Variants in ETV7 observed in about 807,000 individuals in gnomAD.
The protein encoded by ETV7 is ETS variant transcription factor 7, also known as transcription factor ETV7.
In ETV7, 43 loss-of-function variants were observed where a neutral mutation model predicts 39.1. That is an observed-to-expected ratio of 1.10 (90% CI 0.86 to 1.42). The LOEUF (loss-of-function observed/expected upper bound fraction) is 1.42, where lower values mean the gene tolerates loss of function less well. ETV7 is among the 40% of genes most tolerant of loss of function. The pLI is 0.00. For missense variants in ETV7, 432 were observed against 442.3 expected, an observed-to-expected ratio of 0.98 and a Z score of 0.21; for synonymous variants, 196 against 176.6, an observed-to-expected ratio of 1.11 and a Z score of -0.87.
Position 36,366,881 on chromosome 6 carries a change from A to G in ETV7, c.902T>C (p.Leu301Pro). The change falls in exon 7 of 8, where the codon CTG becomes CCG. Residue 301 changes from leucine (L) to proline (P), a missense_variant. Transcript: ENST00000340181. ...CATCCCCTAGGCCACTCACCTGAAC[A>G]GGAGTTTCTGCCCCGGTTCCTTCTT... ...IIKKEPGQKL[L>P]FRFLKTPGKM... 1 of 1,613,890 alleles carries G rather than the reference A, an allele frequency of 6.2e-7. No homozygotes were observed. Among genetic ancestry groups the G allele is most frequent in the Non-Finnish European group, 8.5e-7 (1 of 1,179,892 alleles).
intron 1 of ETV7, among the ~76,000 whole-genome samples, chr6:36,386,288 A>G (rs367740438): frequency 3.9e-5 from 6 of 152,344 alleles, no homozygotes; most frequent in African/African-American, 1.2e-4. Context: ...AGATCACGCC[A>G]CTGCACTCCA....
chr6:36,375,048 G>A (rs1412366869), intron 3 of ETV7, among the ~76,000 whole-genome samples: 6 of 136,622 alleles, frequency 4.4e-5, no homozygotes, highest in Admixed American at 7.9e-5. Flanking sequence ...CAGCCTGGGC[G>A]ACAAAGTGAG....
intron 5 of ETV7, among the ~76,000 whole-genome samples, chr6:36,369,758 G>A (rs985841126): frequency 3.9e-5 from 6 of 152,194 alleles, no homozygotes; most frequent in African/African-American, 1.4e-4. Flanking sequence ...GTAAGTGCAC[G>A]AAGAATGTTA....
downstream of ETV7, among the ~76,000 whole-genome samples, chr6:36,365,295 A>T (rs1447457494): frequency 6.6e-6 from 1 of 152,198 alleles, no homozygotes; most frequent in Non-Finnish European, 1.5e-5. Flanking sequence ...AAGCTGACCC[A>T]TTGGACCGAG....
chr6:36,354,490 C>T (rs961279344), exon 8 of ETV7: 2 of 526,102 alleles, frequency 3.8e-6, no homozygotes, highest in Non-Finnish European at 6.7e-6. Flanking sequence ...ATTGTCCCAA[C>T]ACTATTTGTT....
chr6:36,370,365 T>C (rs1445638120), intron 5 of ETV7, among the ~76,000 whole-genome samples: 2 of 151,854 alleles, frequency 1.3e-5, no homozygotes, highest in African/African-American at 4.8e-5. Context: ...GGTGAAACCG[T>C]CTCTACTAAT....
intron 3 of ETV7, among the ~76,000 whole-genome samples, 183 bp from the exon 4 acceptor site, chr6:36,373,761 C>A (rs891395091): frequency 3.9e-5 from 6 of 152,234 alleles, no homozygotes; most frequent in African/African-American, 1.4e-4. Flanking sequence ...GGCAGAGATG[C>A]TGCTGCTCCC....
chr6:36,365,014 C>T (rs1418198797), downstream of ETV7, among the ~76,000 whole-genome samples: 1 of 152,204 alleles, frequency 6.6e-6, no homozygotes, highest in African/African-American at 2.4e-5. Flanking sequence ...GCCCCAAAGT[C>T]CAAGAGTCCT....
intron 5 of ETV7, among the ~76,000 whole-genome samples, chr6:36,370,882 T>C (rs1772983036): frequency 6.6e-6 from 1 of 152,224 alleles, no homozygotes; most frequent in South Asian, 2.1e-4. Context: ...ACCAGTGCTG[T>C]GTGATCTTGG....
chr6:36,372,763 T>C (rs1260348398), intron 4 of ETV7, among the ~76,000 whole-genome samples: 1 of 142,188 alleles, frequency 7.0e-6, no homozygotes, highest in East Asian at 2.1e-4. Context: ...TTGAGAGGCC[T>C]ACTAGATGCC....
chr6:36,383,318 G>A (rs1885206), intron 2 of ETV7, among the ~76,000 whole-genome samples: 13,141 of 152,128 alleles, frequency 0.086, 1,254 homozygotes, highest in African/African-American at 0.2. Flanking sequence ...TAGACCTCCT[G>A]ACCCTTGCCA....
chr6:36,385,688 GGACA>G lies in ETV7; in HGVS notation c.7-23_7-20del, dbSNP rs772344259. The G allele has an allele frequency of 5.7e-6, 9 of 1,583,054 alleles. No individual in the cohort carries two copies. In the East Asian group the frequency reaches 1.8e-4, roughly 32 times the overall value. ...CTCCCTCCTAGAGAGAGAAAAACCA[GGACA>G]GTCAAAGAAGAGCATCTTGGTGAAG... On this transcript the variant is annotated intron_variant, in intron 1 of 7. Transcript: ENST00000340181.
chr6:36,357,014 G>T (rs1159276574), intron 7 of ETV7, among the ~76,000 whole-genome samples: 1 of 152,102 alleles, frequency 6.6e-6, no homozygotes, highest in Non-Finnish European at 1.5e-5. Context: ...AGTTTTGATG[G>T]GAAGTTGGGA....
intron 2 of ETV7, among the ~76,000 whole-genome samples, chr6:36,377,142 AC>A (rs930951983): frequency 8.8e-4 from 134 of 152,330 alleles, no homozygotes; most frequent in African/African-American, 3.1e-3. Flanking sequence ...TGAGCCCTTG[AC>A]ACATTTGCCT....
chr6:36,377,329 T>C (rs1461670754), intron 2 of ETV7, among the ~76,000 whole-genome samples: 1 of 152,114 alleles, frequency 6.6e-6, no homozygotes. Context: ...TAGCCGGGCA[T>C]AGTGATGCAC....
At chr6:36,357,397 G>T (rs1366120692) in intron 7 of ETV7, among the ~76,000 whole-genome samples, 1 of 152,214 alleles carries the variant, frequency 6.6e-6, no homozygotes, top group South Asian at 2.1e-4. Context: ...GGAGCCAGAG[G>T]ACAGGAAGCC....
At chr6:36,376,591 C>G (rs1394024302) in intron 2 of ETV7, among the ~76,000 whole-genome samples, 2 of 152,082 alleles carry the variant, frequency 1.3e-5, no homozygotes, top group South Asian at 2.1e-4. Context: ...TCCTGGCCAA[C>G]ACGGTGAAAC....
chr6:36,373,624 G>T (rs775371487), intron 3 of ETV7, 46 bp from the exon 4 acceptor site: 1 of 1,502,646 alleles, frequency 6.7e-7, no homozygotes, highest in South Asian at 1.3e-5. Context: ...CAGGCCACGT[G>T]GGGAGGGCCA....
intron 7 of ETV7, among the ~76,000 whole-genome samples, chr6:36,356,631 C>T (rs1772349993): frequency 1.3e-5 from 2 of 152,190 alleles, no homozygotes; most frequent in Admixed American, 1.3e-4. Context: ...GATCATGCAC[C>T]ATCTGGACCA....
Sources: gnomAD v4.1 joint callset for allele counts (sites outside exome capture counted in the v4.1 genomes callset) on GRCh38, gnomAD v4.1.1 for gene constraint, MANE v1.5 for transcripts, NCBI Gene and HGNC (gene_info 2026-07-23, HGNC 2026-07-21) for gene names.